The following LINGO2 variants were observed in gnomAD, a reference collection of about 807,000 sequenced individuals.
LINGO2 encodes the protein leucine rich repeat and Ig domain containing 2, also known as leucine-rich repeat and immunoglobulin-like domain-containing nogo receptor-interacting protein 2.
A neutral mutation model predicts 30.6 loss-of-function variants in LINGO2; 14 were observed. That is an observed-to-expected ratio of 0.46 (90% confidence interval 0.30 to 0.72). The LOEUF is 0.72. Ranked by LOEUF, LINGO2 falls within the 30% of genes least tolerant of loss-of-function variation. LINGO2 has a pLI of 0.07. For synonymous variants in LINGO2, 317 were observed against 288.5 expected, an observed-to-expected ratio of 1.10 and a Z score of -1.00; for missense variants, 729 against 751.7, an observed-to-expected ratio of 0.97 and a Z score of 0.35.
chr9:28,373,134 A>T (rs992190531), intron 2 of LINGO2, among the ~76,000 whole-genome samples: 1 of 152,206 alleles, frequency 6.6e-6, no homozygotes, highest in African/African-American at 2.4e-5. Context: ...ATGAATGACA[A>T]TGAGTAAAAA....
intron 4 of LINGO2, among the ~76,000 whole-genome samples, chr9:28,217,038 C>T (rs188122421): frequency 1.1e-4 from 17 of 151,362 alleles, no homozygotes; most frequent in Admixed American, 7.9e-4. Flanking sequence ...AAGGAATAGA[C>T]ATTTATTAAT....
At chr9:28,067,530 A>T (rs1464786043) in intron 4 of LINGO2, among the ~76,000 whole-genome samples, 3 of 152,160 alleles carry the variant, frequency 2.0e-5, no homozygotes, top group Non-Finnish European at 4.4e-5. Context: ...TGCCTTTGGC[A>T]AGCTGTGTGA....
the LINGO2 span, among the ~76,000 whole-genome samples, chr9:28,911,249 C>T: frequency 6.6e-6 from 1 of 151,870 alleles, no homozygotes; most frequent in Admixed American, 6.6e-5. Flanking sequence ...TTTTTAAATT[C>T]TCCATATTCT....
At chr9:28,910,285 C>T in the LINGO2 span, among the ~76,000 whole-genome samples, 9 of 151,988 alleles carry the variant, frequency 5.9e-5, no homozygotes, top group Admixed American at 5.9e-4. Flanking sequence ...GTATCAATGA[C>T]TGTCACATAT....
intron 5 of LINGO2, among the ~76,000 whole-genome samples, chr9:27,970,341 C>T (rs1563867179): frequency 1.3e-5 from 2 of 152,186 alleles, no homozygotes; most frequent in African/African-American, 4.8e-5. Context: ...TATAAATACT[C>T]TTGTCTCAGA....
the LINGO2 span, among the ~76,000 whole-genome samples, chr9:29,008,771 GTTGT>G: frequency 1.3e-5 from 2 of 152,036 alleles, no homozygotes; most frequent in Admixed American, 1.3e-4. Flanking sequence ...TTTTGATGGG[GTTGT>G]TTGATTTTTT....
At chr9:28,416,407 T>C (rs1822969762) in intron 2 of LINGO2, among the ~76,000 whole-genome samples, 1 of 152,192 alleles carries the variant, frequency 6.6e-6, no homozygotes, top group Non-Finnish European at 1.5e-5. Flanking sequence ...CAAAACTGAT[T>C]TCTAAGAATA....
chr9:28,797,329 CAT>C, the LINGO2 span, among the ~76,000 whole-genome samples: 2,798 of 65,714 alleles, frequency 0.043, 81 homozygotes, highest in Non-Finnish European at 0.046. Flanking sequence ...ATCATATATA[CAT>C]ATATATATAT....
chr9:28,259,577 G>A (rs1047322987), intron 4 of LINGO2, among the ~76,000 whole-genome samples: 5 of 151,770 alleles, frequency 3.3e-5, no homozygotes, highest in Non-Finnish European at 7.4e-5. Flanking sequence ...GAAGAAGAGA[G>A]ATGAAGGGAC....
intron 4 of LINGO2, among the ~76,000 whole-genome samples, chr9:28,091,352 G>T (rs1020841594): frequency 6.6e-5 from 10 of 152,152 alleles, no homozygotes; most frequent in Non-Finnish European, 1.3e-4. Flanking sequence ...GCATGGTACT[G>T]GTACCAAAAC....
chr9:28,443,331 T>G, intron 2 of LINGO2, among the ~76,000 whole-genome samples: 1 of 152,206 alleles, frequency 6.6e-6, no homozygotes, highest in South Asian at 2.1e-4. Context: ...GGATGCCAGC[T>G]GCAGGTGGGG....
the LINGO2 span, among the ~76,000 whole-genome samples, chr9:29,016,247 A>G: frequency 1.3e-5 from 2 of 152,214 alleles, no homozygotes; most frequent in Non-Finnish European, 2.9e-5. Context: ...AGTTGCTACT[A>G]ACCAAAAACT....
At chr9:28,165,656 T>A (rs541971018) in intron 4 of LINGO2, among the ~76,000 whole-genome samples, 14 of 152,310 alleles carry the variant, frequency 9.2e-5, no homozygotes, top group African/African-American at 3.4e-4. Flanking sequence ...TGTTTTCCCT[T>A]TTTTCCTGAT....
chr9:28,392,557 C>T (rs1261573518), intron 2 of LINGO2, among the ~76,000 whole-genome samples: 1 of 152,140 alleles, frequency 6.6e-6, no homozygotes, highest in African/African-American at 2.4e-5. Context: ...ACCTTCCATG[C>T]TCTCTTCAGT....
At chr9:29,212,018 C>T in the LINGO2 span, among the ~76,000 whole-genome samples, 4 of 152,176 alleles carry the variant, frequency 2.6e-5, no homozygotes, top group Non-Finnish European at 4.4e-5. Context: ...TCCCTCCCAC[C>T]CTGAGTATCT....
At chr9:28,732,887 A>C in the LINGO2 span, among the ~76,000 whole-genome samples, 1 of 152,170 alleles carries the variant, frequency 6.6e-6, no homozygotes, top group African/African-American at 2.4e-5. Flanking sequence ...GCCGGATGCA[A>C]GAAATCCTGG....
intron 4 of LINGO2, among the ~76,000 whole-genome samples, chr9:28,073,201 C>A (rs1388234105): frequency 6.6e-6 from 1 of 151,972 alleles, no homozygotes; most frequent in African/African-American, 2.4e-5. Flanking sequence ...GAGAAGGGCG[C>A]GCCAAAGTCC....
the LINGO2 span, among the ~76,000 whole-genome samples, chr9:29,180,754 C>T: frequency 8.6e-5 from 13 of 151,994 alleles, no homozygotes; most frequent in Non-Finnish European, 1.8e-4. Flanking sequence ...TATCAAATAA[C>T]AACTAAAGGG....
the LINGO2 span, among the ~76,000 whole-genome samples, chr9:29,004,702 G>C: frequency 6.6e-6 from 1 of 151,834 alleles, no homozygotes; most frequent in Non-Finnish European, 1.5e-5. Flanking sequence ...AGCAATTCCA[G>C]GCAGTTACTA....
Sources: gnomAD v4.1 joint callset for allele counts (sites outside exome capture counted in the v4.1 genomes callset) on GRCh38, gnomAD v4.1.1 for gene constraint, MANE v1.5 for transcripts, NCBI Gene and HGNC (gene_info 2026-07-23, HGNC 2026-07-21) for gene names.